The following FBXW10 variants were observed in gnomAD, a reference collection of about 807,000 sequenced individuals.
FBXW10 encodes F-box and WD repeat domain containing 10, also known as F-box/WD repeat-containing protein 10.
In FBXW10, 68 loss-of-function variants were observed where a neutral mutation model predicts 113.1. The ratio of observed to expected loss-of-function variants is 0.60; its 90% CI spans 0.49 to 0.74. The LOEUF is 0.74. Ranked by LOEUF, FBXW10 falls within the 30% of genes least tolerant of loss-of-function variation. The probability of loss-of-function intolerance (pLI) is 0.00; values close to 1 mark genes in which losing one functional copy is unlikely to be tolerated. For missense variants in FBXW10, 753 were observed against 1,284.5 expected, an observed-to-expected ratio of 0.59 and a Z score of 6.32; for synonymous variants, 289 against 481.6, an observed-to-expected ratio of 0.60 and a Z score of 5.24.
At chr17:18,762,926 A>G (rs1378557640) in intron 7 of FBXW10, among the ~76,000 whole-genome samples, 1 of 149,170 alleles carries the variant, frequency 6.7e-6, no homozygotes, top group Admixed American at 6.8e-5. Flanking sequence ...GACATATACC[A>G]CCATATTGCT....
chr17:18,768,405 G>T, intron 9 of FBXW10, 129 bp from the exon 10 acceptor site: 1 of 1,251,406 alleles, frequency 8.0e-7, no homozygotes, highest in Non-Finnish European at 1.1e-6. Flanking sequence ...ATTAGCTCAG[G>T]TACCTACCGA....
rs1282063256 is a variant in FBXW10 at position 18,766,713 on chromosome 17, G to A, written c.1556-1G>A. Reference sequence around the variant, plus strand: ...TCTTCCTCTCTCTCCCTCCTGTTCAGTATGGGATGTAGACACAGGGAAGTG... The same window carrying A: ...TCTTCCTCTCTCTCCCTCCTGTTCAATATGGGATGTAGACACAGGGAAGTG... On this transcript the variant is annotated splice_acceptor_variant, in intron 8 of 13. Coordinates refer to ENST00000395665, the MANE Select transcript of FBXW10 (RefSeq NM_001267585.2). LOFTEE classifies it high-confidence loss of function. 7 of 1,613,660 alleles carry A rather than the reference G, an allele frequency of 4.3e-6. No individual in the cohort carries two copies. The highest frequency in any genetic ancestry group is 2.2e-5 in the East Asian group (1 of 44,888).
At chr17:18,754,247 T>G (rs1440075024) in intron 5 of FBXW10, among the ~76,000 whole-genome samples, 1 of 151,852 alleles carries the variant, frequency 6.6e-6, no homozygotes, top group African/African-American at 2.4e-5. Flanking sequence ...CTTCTTGGGC[T>G]CACAAAACTT....
intron 6 of FBXW10, among the ~76,000 whole-genome samples, chr17:18,758,046 T>C (rs1054828683): frequency 2.6e-5 from 4 of 152,242 alleles, no homozygotes; most frequent in African/African-American, 7.2e-5. Flanking sequence ...GGATTTAGCA[T>C]ACATTTACAG....
At position 18,744,278 on chromosome 17, in the gene FBXW10, C is replaced by G; in HGVS notation, c.34C>G (p.Pro12Ala). Residue 12 changes from proline (P) to alanine (A), a missense_variant, in exon 1 of 14, where the codon CCC becomes GCC. Physicochemically the swap from Pro to Ala is conservative, Grantham distance 27 (BLOSUM62 -1). Coordinates refer to ENST00000395665, the MANE Select transcript of FBXW10 (RefSeq NM_001267585.2). Reference sequence around the variant, plus strand: ...CCTGGAATCAAGGCTCAAGAATGCCCCCTATTTTCGTTGTGAGAAGGGAAC... The same window carrying G: ...CCTGGAATCAAGGCTCAAGAATGCCGCCTATTTTCGTTGTGAGAAGGGAAC... ...ENLESRLKNA[P>A]YFRCEKGTDS... 1 of 1,610,676 alleles carries G rather than the reference C, an allele frequency of 6.2e-7. No homozygotes were observed. The highest frequency in any genetic ancestry group is 8.5e-7 in the Non-Finnish European group (1 of 1,178,718).
chr17:18,746,919 CTTTTTT>C (rs1166761219), intron 1 of FBXW10, among the ~76,000 whole-genome samples: 1 of 129,142 alleles, frequency 7.7e-6, no homozygotes, highest in Non-Finnish European at 1.7e-5. Context: ...TGGCAACCTT[CTTTTTT>C]TTTTTTTTTT....
At chr17:18,761,375 C>T (rs1194304580) in intron 7 of FBXW10, among the ~76,000 whole-genome samples, 1 of 151,968 alleles carries the variant, frequency 6.6e-6, no homozygotes, top group Non-Finnish European at 1.5e-5. Flanking sequence ...ATGCCATTCT[C>T]CTGCCTCAGC....
chr17:18,768,231 C>T (rs537302393), intron 9 of FBXW10, among the ~76,000 whole-genome samples: 2 of 152,124 alleles, frequency 1.3e-5, no homozygotes, highest in East Asian at 3.9e-4. Context: ...CCATGCCCAG[C>T]TAATTTTTGT....
intron 8 of FBXW10, 118 bp from the exon 9 acceptor site, chr17:18,766,596 G>C (rs1313818182): frequency 7.4e-7 from 1 of 1,348,682 alleles, no homozygotes; most frequent in Middle Eastern, 2.0e-4. Context: ...TCTAGAATCT[G>C]ACTTGATGGG....
Position 18,750,001 on chromosome 17 carries a change from T to G in FBXW10, c.872-9T>G. 6.2e-6 allele frequency: 10 copies of G among 1,614,064 alleles called. No homozygotes were observed. The highest frequency in any genetic ancestry group is 7.6e-6 in the Non-Finnish European group (9 of 1,180,032). ...TCTGGGGTTTCTGGGTCCATCTTTT[T>G]TTTTCCAGGAATGCTGGATAGACAC... On this transcript the variant is annotated splice_polypyrimidine_tract_variant and intron_variant, in intron 3 of 13. Coordinates refer to ENST00000395665, the MANE Select transcript of FBXW10 (RefSeq NM_001267585.2).
intron 2 of FBXW10, among the ~76,000 whole-genome samples, 168 bp from the exon 3 acceptor site, chr17:18,749,554 A>T (rs896305057): frequency 6.6e-6 from 1 of 151,842 alleles, no homozygotes; most frequent in Non-Finnish European, 1.5e-5. Context: ...CTCAAAAAAA[A>T]AAAGATTCTA....
At chr17:18,758,101 G>A (rs62073747) in intron 6 of FBXW10, among the ~76,000 whole-genome samples, 154 of 152,212 alleles carry the variant, frequency 1.0e-3, no homozygotes, top group Admixed American at 3.1e-3. Flanking sequence ...TAAATTTAAC[G>A]GAAATGGATT....
intron 11 of FBXW10, 65 bp downstream of exon 11, chr17:18,770,150 C>A: frequency 6.2e-7 from 1 of 1,605,096 alleles, no homozygotes; most frequent in Non-Finnish European, 8.5e-7. Context: ...TTTTTTTCCT[C>A]CCCTGGGATA....
intron 7 of FBXW10, among the ~76,000 whole-genome samples, chr17:18,759,364 T>C (rs182607901): frequency 8.5e-5 from 13 of 152,292 alleles, no homozygotes; most frequent in Admixed American, 8.5e-4. Flanking sequence ...TAATCATTTT[T>C]GCTTCCTTCT....
intron 5 of FBXW10, among the ~76,000 whole-genome samples, chr17:18,754,104 T>G (rs1185848676): frequency 2.0e-5 from 3 of 151,886 alleles, no homozygotes; most frequent in Non-Finnish European, 2.9e-5. Flanking sequence ...CGAGGAGGTG[T>G]TGTTGCTCCC....
chr17:18,749,791 T>A lies in FBXW10; in HGVS notation c.740T>A (p.Ile247Lys). The change falls in exon 3 of 14, where the codon ATA (isoleucine) becomes AAA (lysine). Residue 247 changes from isoleucine (I) to lysine (K), a missense_variant. Physicochemically the swap from Ile to Lys is moderately radical, Grantham distance 102 (BLOSUM62 -3). Transcript: ENST00000395665. The part of the protein sequence containing the change: ...MNRLFSGKGD[I>K]TKPGYDPCNL... ...AGGCTGTTTTCTGGAAAAGGAGACATAACCAAGCCAGGGTACGATCCCTGC... is the reference window on the plus strand; with the variant it reads ...AGGCTGTTTTCTGGAAAAGGAGACAAAACCAAGCCAGGGTACGATCCCTGC... 1 of 1,614,200 alleles carries A rather than the reference T, an allele frequency of 6.2e-7. No individual in the cohort carries two copies. The highest frequency in any genetic ancestry group is 8.5e-7 in the Non-Finnish European group (1 of 1,180,020).
At position 18,768,064 on chromosome 17, in the gene FBXW10, T is replaced by G. The variant is rs532786515; in HGVS notation, c.1705-470T>G. On this transcript the variant is annotated intron_variant, in intron 9 of 13. Coordinates refer to ENST00000395665, the MANE Select transcript of FBXW10 (RefSeq NM_001267585.2). ...CTTCCTTCCTTCCTTCTTTCTTTCT[T>G]TCTTTCTTCTTTCTTTTTTGAGACA... 4.0e-5 allele frequency among the ~76,000 whole-genome samples: 6 copies of G among 150,640 alleles called. No individual in the cohort carries two copies. The East Asian group carries it at 1.2e-3, about 29-fold the overall frequency.
At chr17:18,748,464 G>GAA (rs2035092069) in intron 2 of FBXW10, among the ~76,000 whole-genome samples, 1 of 150,034 alleles carries the variant, frequency 6.7e-6, no homozygotes, top group Admixed American at 6.7e-5. Context: ...GTGAGATTGG[G>GAA]AAGACCCAGT....
intron 5 of FBXW10, among the ~76,000 whole-genome samples, chr17:18,755,263 T>TA (rs1250281752): frequency 7.1e-6 from 1 of 141,270 alleles, no homozygotes; most frequent in East Asian, 2.1e-4. Context: ...AACTCCGTCT[T>TA]AAAAAAATTG....
Sources: allele counts gnomAD v4.1 joint callset (sites outside exome capture counted in the v4.1 genomes callset), GRCh38; gene constraint gnomAD v4.1.1; transcripts MANE v1.5; gene names NCBI Gene and HGNC (gene_info 2026-07-23, HGNC 2026-07-21).